Variants in HYDIN observed in about 807,000 individuals in gnomAD.
HYDIN encodes the protein axonemal central pair apparatus protein HYDIN.
Under a neutral mutation model 403.9 loss-of-function variants are expected in HYDIN, and 132 were observed. The ratio of observed to expected loss-of-function variants is 0.33; its 90% CI spans 0.28 to 0.38. The LOEUF (loss-of-function observed/expected upper bound fraction) is 0.38, where lower values mean the gene tolerates loss of function less well. HYDIN is among the 10% of genes least tolerant of loss of function. HYDIN has a pLI of 1.00. For missense variants in HYDIN, 2,827 were observed against 5,009.5 expected (o/e 0.56, Z 13.15); for synonymous variants, 1,202 against 1,891.7 (o/e 0.64, Z 9.46).
chr16:70,834,704 C>A (rs577556221), intron 78 of HYDIN, among the ~76,000 whole-genome samples: 2 of 151,878 alleles, frequency 1.3e-5, no homozygotes, highest in Admixed American at 6.6e-5. Flanking sequence ...AAAAATTAGA[C>A]GGGCTTTGTG....
intron 9 of HYDIN, among the ~76,000 whole-genome samples, chr16:71,127,810 G>A (rs2084532942): frequency 6.6e-6 from 1 of 152,196 alleles, no homozygotes; most frequent in Non-Finnish European, 1.5e-5. Flanking sequence ...CCACCTGCTT[G>A]CACGCACCAA....
chr16:71,130,432 C>T (rs1165899852), intron 8 of HYDIN, among the ~76,000 whole-genome samples: 2 of 146,990 alleles, frequency 1.4e-5, no homozygotes, highest in Admixed American at 6.8e-5. Context: ...GGCTCTAGTG[C>T]AGTTCCTGGG....
At chr16:71,020,704 G>A (rs1348510612) in intron 21 of HYDIN, among the ~76,000 whole-genome samples, 1 of 151,550 alleles carries the variant, frequency 6.6e-6, no homozygotes, top group Admixed American at 6.6e-5. Flanking sequence ...AGCTACTTGG[G>A]AGGCTGAGGC....
intron 5 of HYDIN, among the ~76,000 whole-genome samples, chr16:71,169,637 G>A (rs751647794): frequency 6.6e-6 from 1 of 152,312 alleles, no homozygotes; most frequent in Non-Finnish European, 1.5e-5. Context: ...TAGAAGCAGA[G>A]AGTAGAACAG....
chr16:70,943,008 C>A (rs1221484135), intron 42 of HYDIN, among the ~76,000 whole-genome samples: 1 of 152,116 alleles, frequency 6.6e-6, no homozygotes, highest in African/African-American at 2.4e-5. Flanking sequence ...TGATGATATT[C>A]CTCCTCTTCT....
intron 5 of HYDIN, among the ~76,000 whole-genome samples, chr16:71,172,113 G>T (rs554983327): frequency 1.2e-4 from 19 of 152,208 alleles, no homozygotes; most frequent in Non-Finnish European, 7.4e-5. Context: ...AGATAACATA[G>T]AACATGTTAA....
chr16:71,221,038 C>T (rs236008), intron 1 of HYDIN, among the ~76,000 whole-genome samples: 105,029 of 151,888 alleles, frequency 0.69, 38,107 homozygotes, highest in African/African-American at 0.91. Flanking sequence ...GATAATCCTC[C>T]AGACAAGGAC....
chr16:71,123,811 T>C (rs960778915), intron 9 of HYDIN, among the ~76,000 whole-genome samples: 6 of 151,516 alleles, frequency 4.0e-5, no homozygotes, highest in African/African-American at 1.5e-4. Flanking sequence ...GGTTTTATAA[T>C]GGGAAACCCC....
intron 85 of HYDIN, 48 bp downstream of exon 85, chr16:70,809,735 C>T (rs543318086): frequency 1.4e-6 from 2 of 1,428,832 alleles, no homozygotes. Context: ...TTTTTGAACC[C>T]AGCGTTCATG....
chr16:70,970,624 A>C lies in HYDIN; in HGVS notation c.5515T>G (p.Cys1839Gly). 1.4e-6 allele frequency: 2 copies of C among 1,480,636 alleles called. No homozygotes were observed. The highest frequency in any genetic ancestry group is 1.9e-6 in the Non-Finnish European group (2 of 1,061,476). The allele number at this position is 1,480,636 out of a possible 1,614,324, so 91.7% of individuals were successfully genotyped here. ...SVLDLGPLLL[C>G]APGDEAEVIV... ...ACCTCGGCCTCGTCTCCAGGTGCAC[A>C]AAGTAGCAGTGGCCCCAGATCCAGG... Residue 1839 changes from cysteine (C) to glycine (G), a missense_variant, in exon 36 of 86, where the codon TGT becomes GGT. Coordinates refer to ENST00000393567, the MANE Select transcript of HYDIN (RefSeq NM_001270974.2).
At chr16:70,945,940 G>A (rs1355021063) in intron 41 of HYDIN, among the ~76,000 whole-genome samples, 8 of 152,228 alleles carry the variant, frequency 5.3e-5, no homozygotes, top group Admixed American at 5.2e-4. Flanking sequence ...CAATTCTTTG[G>A]AGGAACAGCA....
chr16:71,187,369 C>T (rs189834227), intron 1 of HYDIN, among the ~76,000 whole-genome samples: 1 of 152,134 alleles, frequency 6.6e-6, no homozygotes, highest in African/African-American at 2.4e-5. Context: ...TGAGATAAGA[C>T]AGGCAAAGGA....
At chr16:70,997,148 C>T (rs1476591222) in intron 23 of HYDIN, among the ~76,000 whole-genome samples, 5 of 149,484 alleles carry the variant, frequency 3.3e-5, no homozygotes, top group East Asian at 3.9e-4. Context: ...AATCTAATGC[C>T]GCTGGATACC....
At chr16:71,184,424 A>G (rs1021468415) in intron 3 of HYDIN, among the ~76,000 whole-genome samples, 1 of 152,164 alleles carries the variant, frequency 6.6e-6, no homozygotes, top group Non-Finnish European at 1.5e-5. Flanking sequence ...TTAGAGACAA[A>G]AGGATATGTC....
At chr16:70,813,473 T>TG (rs2035640081) in intron 84 of HYDIN, among the ~76,000 whole-genome samples, 1 of 151,878 alleles carries the variant, frequency 6.6e-6, no homozygotes. Flanking sequence ...ACTAGCGTCC[T>TG]GGCTGACAAC....
chr16:71,186,660 C>A, intron 2 of HYDIN, 101 bp downstream of exon 2: 1 of 879,890 alleles, frequency 1.1e-6, no homozygotes, highest in South Asian at 1.8e-5. Flanking sequence ...ATTAATCAGT[C>A]AGTAATTCTG....
chr16:70,955,863 G>C (rs891418257), intron 39 of HYDIN, among the ~76,000 whole-genome samples: 1 of 152,028 alleles, frequency 6.6e-6, no homozygotes, highest in Non-Finnish European at 1.5e-5. Flanking sequence ...CTGTCACCCA[G>C]GCTGGAGTGC....
chr16:70,877,863 T>G (rs979564773), intron 62 of HYDIN, among the ~76,000 whole-genome samples: 1 of 152,074 alleles, frequency 6.6e-6, no homozygotes, highest in African/African-American at 2.4e-5. Context: ...TATCTCCCAT[T>G]TGCTGAAAGA....
At chr16:70,989,731 G>C (rs1430660566) in intron 25 of HYDIN, among the ~76,000 whole-genome samples, 1 of 152,190 alleles carries the variant, frequency 6.6e-6, no homozygotes, top group African/African-American at 2.4e-5. Context: ...TATCCCTACA[G>C]TTCTCCGGTT....
Sources: gnomAD v4.1 joint callset for allele counts (sites outside exome capture counted in the v4.1 genomes callset) on GRCh38, gnomAD v4.1.1 for gene constraint, MANE v1.5 for transcripts, NCBI Gene and HGNC (gene_info 2026-07-23, HGNC 2026-07-21) for gene names.